The following GRB2 variants were observed in gnomAD, a reference collection of about 807,000 sequenced individuals.
The protein encoded by GRB2 is growth factor receptor-bound protein 2.
GRB2 carries 2 observed loss-of-function variants against 27.4 expected under a neutral mutation model. The observed-to-expected ratio is 0.07, with a 90% CI of 0.03 to 0.23. The LOEUF is 0.23. Among genes scored for constraint, GRB2 ranks in the 10% least tolerant of loss-of-function variants. GRB2 has a pLI of 1.00. For missense variants in GRB2, 102 were observed against 282.4 expected, an observed-to-expected ratio of 0.36 and a Z score of 4.58; for synonymous variants, 94 against 99.6, an observed-to-expected ratio of 0.94 and a Z score of 0.33.
At chr17:75,400,281 C>A (rs1366671511) in intron 1 of GRB2, among the ~76,000 whole-genome samples, 1 of 152,168 alleles carries the variant, frequency 6.6e-6, no homozygotes, top group Admixed American at 6.5e-5. Context: ...TCCAGCAATT[C>A]CCCTGCCTCA....
At chr17:75,323,557 T>C (rs970911620) in intron 4 of GRB2, among the ~76,000 whole-genome samples, 4 of 152,032 alleles carry the variant, frequency 2.6e-5, no homozygotes, top group Admixed American at 6.6e-5. Flanking sequence ...TTAAAGAGAG[T>C]CATGACACCT....
At chr17:75,321,603 C>T in intron 5 of GRB2, 56 bp downstream of exon 5, 2 of 1,535,014 alleles carry the variant, frequency 1.3e-6, no homozygotes, top group East Asian at 2.3e-5. Flanking sequence ...CAGGAATGCA[C>T]ACTGAGGAGC....
At chr17:75,328,378 T>C (rs1313711312) in intron 3 of GRB2, among the ~76,000 whole-genome samples, 5 of 151,698 alleles carry the variant, frequency 3.3e-5, no homozygotes. Context: ...GGTGGCTCAA[T>C]GCCTGTAATC....
intron 5 of GRB2, among the ~76,000 whole-genome samples, chr17:75,321,190 T>G (rs967564531): frequency 6.5e-5 from 8 of 123,634 alleles, no homozygotes; most frequent in Admixed American, 4.2e-4. Flanking sequence ...TTTTTTTTTT[T>G]TTTTGAAATG....
At chr17:75,392,840 T>C (rs2079007062) in intron 2 of GRB2, among the ~76,000 whole-genome samples, 1 of 152,160 alleles carries the variant, frequency 6.6e-6, no homozygotes, top group Non-Finnish European at 1.5e-5. Context: ...ACATAAATAG[T>C]GGGGCTCAAA....
At chr17:75,362,907 C>T (rs1184174314) in intron 2 of GRB2, among the ~76,000 whole-genome samples, 1 of 152,046 alleles carries the variant, frequency 6.6e-6, no homozygotes, top group African/African-American at 2.4e-5. Context: ...AAAGGCTTTC[C>T]CATTTTGGGG....
intron 1 of GRB2, among the ~76,000 whole-genome samples, chr17:75,402,057 C>A (rs2079067445): frequency 6.6e-6 from 1 of 152,244 alleles, no homozygotes; most frequent in Non-Finnish European, 1.5e-5. Flanking sequence ...ACCTACCAAA[C>A]ACCACAGCTT....
rs1016004009 is a variant in GRB2, at chr17:75,383,446, C to T, written c.78+10105G>A. Among the ~76,000 whole-genome samples the T allele has an allele frequency of 4.6e-5, 7 of 152,120 alleles. No homozygotes were observed. In the East Asian group the frequency reaches 1.3e-3, roughly 29 times the overall value. ...ATGTGACTCAATAGTTTCCTGAACC[C>T]GGGATCTGGACTAATCACCTCTTAT... On this transcript the variant is annotated intron_variant, in intron 2 of 5. Transcript: ENST00000316804.
chr17:75,326,905 T>G (rs557354840), intron 3 of GRB2, among the ~76,000 whole-genome samples: 8 of 152,322 alleles, frequency 5.3e-5, no homozygotes, highest in East Asian at 1.9e-4. Flanking sequence ...CCATGTTCTC[T>G]TCTCAAAATT....
At chr17:75,340,081 C>A (rs2145832286) in intron 2 of GRB2, among the ~76,000 whole-genome samples, 1 of 152,242 alleles carries the variant, frequency 6.6e-6, no homozygotes, top group East Asian at 1.9e-4. Flanking sequence ...AAATAGAAAT[C>A]ATAATTTTTT....
chr17:75,326,276 A>C, intron 3 of GRB2: 1 of 479,568 alleles, frequency 2.1e-6, no homozygotes, highest in Non-Finnish European at 3.8e-6. Context: ...CTATAGAGGG[A>C]GACATTTGAA....
chr17:75,338,038 C>T lies in GRB2; in HGVS notation c.79-5241G>A, dbSNP rs577911953. ...CTCCGCCTCCCAGGTTCAAGTGATT[C>T]TCTGCCTCAGCCTCTCGAGTAGCTG... On this transcript the variant is annotated intron_variant, in intron 2 of 5. Coordinates refer to ENST00000316804, the MANE Select transcript of GRB2 (RefSeq NM_002086.5). Among the ~76,000 whole-genome samples, 189 of 92,796 alleles carry T rather than the reference C, an allele frequency of 2.0e-3. 9 individuals are homozygous for T. In the South Asian group the frequency reaches 0.06, roughly 29 times the overall value. The allele number at this position is 92,796 out of a possible 152,430, so 60.9% of individuals were successfully genotyped here.
chr17:75,345,770 A>C (rs1403877045), intron 2 of GRB2, among the ~76,000 whole-genome samples: 2 of 151,892 alleles, frequency 1.3e-5, no homozygotes, highest in Admixed American at 6.6e-5. Flanking sequence ...TACAAACTGC[A>C]AATGTGGATT....
chr17:75,404,623 G>A (rs1182971602), intron 1 of GRB2, among the ~76,000 whole-genome samples: 1 of 152,106 alleles, frequency 6.6e-6, no homozygotes, highest in African/African-American at 2.4e-5. Flanking sequence ...GACAGAAGCA[G>A]ATAGAGAAGG....
chr17:75,357,998 T>C (rs1351415018), intron 2 of GRB2, among the ~76,000 whole-genome samples: 1 of 152,206 alleles, frequency 6.6e-6, no homozygotes, highest in African/African-American at 2.4e-5. Context: ...CTCAGGAGGC[T>C]GAGGCAAGAC....
intron 2 of GRB2, among the ~76,000 whole-genome samples, chr17:75,363,382 G>A (rs1057505532): frequency 3.9e-5 from 6 of 152,088 alleles, no homozygotes; most frequent in African/African-American, 1.2e-4. Flanking sequence ...CTTTCTCCAT[G>A]GAGTATCTTT....
chr17:75,375,071 T>C lies in GRB2; in HGVS notation c.78+18480A>G, dbSNP rs72845390. ...CCACCACGATTGGCTAATTTAAACA[T>C]TTTTGGTTTTTTTTTTGTAGACGGG... On this transcript the variant is annotated intron_variant, in intron 2 of 5. Transcript: ENST00000316804. Among the ~76,000 whole-genome samples the C allele has an allele frequency of 6.0e-3, 919 of 151,986 alleles. 6 individuals are homozygous for C. Among genetic ancestry groups the C allele is most frequent in the Non-Finnish European group, 8.8e-3 (599 of 67,966 alleles).
intron 1 of GRB2, among the ~76,000 whole-genome samples, chr17:75,398,050 C>T (rs1048974211): frequency 3.3e-5 from 5 of 151,964 alleles, no homozygotes; most frequent in African/African-American, 1.2e-4. Flanking sequence ...CCATGTTGGC[C>T]AGGCTGGTCT....
At chr17:75,363,740 G>A (rs1396514554) in intron 2 of GRB2, among the ~76,000 whole-genome samples, 3 of 151,680 alleles carry the variant, frequency 2.0e-5, no homozygotes, top group African/African-American at 4.8e-5. Flanking sequence ...GGTGCCTGTA[G>A]TCCCAGCTAC....
Sources: allele counts gnomAD v4.1 joint callset (sites outside exome capture counted in the v4.1 genomes callset), GRCh38; gene constraint gnomAD v4.1.1; transcripts MANE v1.5; gene names NCBI Gene and HGNC (gene_info 2026-07-23, HGNC 2026-07-21).